Variants in PTPRN2 observed in about 807,000 individuals in gnomAD.
The protein encoded by PTPRN2 is receptor-type tyrosine-protein phosphatase N2.
Under a neutral mutation model 118.8 loss-of-function variants are expected in PTPRN2, and 74 were observed. The observed-to-expected ratio is 0.62, with a 90% CI of 0.52 to 0.76. The LOEUF (loss-of-function observed/expected upper bound fraction) is 0.76, where lower values mean the gene tolerates loss of function less well. Ranked by LOEUF, PTPRN2 falls within the 30% of genes least tolerant of loss-of-function variation. PTPRN2 has a pLI of 0.00. For missense variants in PTPRN2, 1,481 were observed against 1,394.4 expected (o/e 1.06, Z -0.99); for synonymous variants, 641 against 608.0 (o/e 1.05, Z -0.80).
chr7:157,766,207 CCAT>C (rs1802474002), intron 12 of PTPRN2, among the ~76,000 whole-genome samples: 1 of 126,026 alleles, frequency 7.9e-6, no homozygotes, highest in African/African-American at 2.8e-5. Context: ...ATCCATCCAT[CCAT>C]CCACCCACAC....
chr7:157,765,656 C>T (rs1055236602), intron 12 of PTPRN2, among the ~76,000 whole-genome samples: 2 of 148,202 alleles, frequency 1.3e-5, no homozygotes, highest in African/African-American at 5.0e-5. Flanking sequence ...CCACCCTTCA[C>T]CCATCCATCC....
chr7:158,171,296 T>TATATACACAC (rs1563555539), intron 5 of PTPRN2, among the ~76,000 whole-genome samples: 2,013 of 34,750 alleles, frequency 0.058, 346 homozygotes, highest in African/African-American at 0.16. Flanking sequence ...TATACACACA[T>TATATACACAC]ATATATACAC....
intron 12 of PTPRN2, among the ~76,000 whole-genome samples, chr7:157,884,977 C>T (rs1028785897): frequency 1.2e-4 from 18 of 152,162 alleles, no homozygotes; most frequent in African/African-American, 4.1e-4. Flanking sequence ...CTGGGTATGG[C>T]TCATGGATGC....
At chr7:157,840,457 C>T (rs1459503107) in intron 12 of PTPRN2, among the ~76,000 whole-genome samples, 5 of 142,348 alleles carry the variant, frequency 3.5e-5, no homozygotes, top group African/African-American at 7.9e-5. Flanking sequence ...TGTGTGACCG[C>T]GTGTGACTGT....
At chr7:157,880,920 G>C (rs1295586178) in intron 12 of PTPRN2, among the ~76,000 whole-genome samples, 1 of 152,190 alleles carries the variant, frequency 6.6e-6, no homozygotes, top group East Asian at 1.9e-4. Context: ...ATGATAAAAA[G>C]GCACTCTGAG....
intron 2 of PTPRN2, among the ~76,000 whole-genome samples, chr7:158,425,958 C>T (rs1815714582): frequency 1.5e-5 from 2 of 129,294 alleles, no homozygotes; most frequent in Admixed American, 7.3e-5. Context: ...CCGGGAAAGA[C>T]GCAGAGTCCG....
chr7:158,386,507 A>AT (rs1811393990), intron 2 of PTPRN2, among the ~76,000 whole-genome samples: 1 of 152,068 alleles, frequency 6.6e-6, no homozygotes, highest in African/African-American at 2.4e-5. Context: ...GGACCAGGGT[A>AT]TGCACTTTTC....
At chr7:158,319,685 T>TCCCTCACACA (rs1451991579) in intron 2 of PTPRN2, among the ~76,000 whole-genome samples, 99 of 3,002 alleles carry the variant, frequency 0.033, 38 homozygotes, top group African/African-American at 0.22. Context: ...ACACACAGCC[T>TCCCTCACACA]CTCTCACACA....
rs142318856 is a variant in PTPRN2 at position 157,593,279 on chromosome 7, C to T, written c.2496+1959G>A. ...TGCGCGTGGACACCGAGAGCCTTCA[C>T]ACAGGATGGTGGGTGGATGTGGCAC... is the stretch of plus-strand genomic sequence containing the variant. On this transcript the variant is annotated intron_variant, in intron 17 of 22. Transcript: ENST00000389418. 2.7e-3 allele frequency among the ~76,000 whole-genome samples: 399 copies of T among 149,904 alleles called. 3 individuals are homozygous for T. The highest frequency in any genetic ancestry group is 9.4e-3 in the African/African-American group (379 of 40,528).
At chr7:157,694,511 A>G (rs1036254833) in intron 12 of PTPRN2, among the ~76,000 whole-genome samples, 2 of 152,074 alleles carry the variant, frequency 1.3e-5, no homozygotes, top group African/African-American at 4.8e-5. Flanking sequence ...TAAGCCCTAG[A>G]GTCTAGGGGG....
At chr7:158,301,880 G>A (rs1800915870) in intron 3 of PTPRN2, among the ~76,000 whole-genome samples, 5 of 152,116 alleles carry the variant, frequency 3.3e-5, no homozygotes, top group African/African-American at 9.7e-5. Flanking sequence ...AGTCCAGGAG[G>A]CAGAGGTTGC....
At chr7:158,568,739 C>A (rs1250420504) in intron 1 of PTPRN2, among the ~76,000 whole-genome samples, 2 of 151,942 alleles carry the variant, frequency 1.3e-5, no homozygotes, top group African/African-American at 4.8e-5. Context: ...GGGTAACCTA[C>A]ATGTAAAGTT....
At chr7:157,769,221 A>C (rs1415538670) in intron 12 of PTPRN2, among the ~76,000 whole-genome samples, 1 of 152,056 alleles carries the variant, frequency 6.6e-6, no homozygotes, top group Non-Finnish European at 1.5e-5. Context: ...CCAAGCAAGG[A>C]CCAACACATG....
intron 2 of PTPRN2, among the ~76,000 whole-genome samples, chr7:158,379,277 G>C (rs1004494122): frequency 6.6e-6 from 1 of 152,196 alleles, no homozygotes; most frequent in Admixed American, 6.5e-5. Flanking sequence ...GGAGGACCGG[G>C]GTAGGGAATA....
intron 11 of PTPRN2, among the ~76,000 whole-genome samples, chr7:158,077,292 C>T (rs1027142643): frequency 1.3e-5 from 2 of 152,328 alleles, no homozygotes; most frequent in South Asian, 4.1e-4. Context: ...CCTGTTCTGA[C>T]ACTCACCAGC....
chr7:158,281,147 A>G (rs543743640), intron 3 of PTPRN2, among the ~76,000 whole-genome samples: 12 of 152,326 alleles, frequency 7.9e-5, no homozygotes, highest in African/African-American at 2.2e-4. Flanking sequence ...TACTAAAAAT[A>G]CAAAAGTTAG....
At chr7:158,204,041 T>C (rs1039288639) in intron 4 of PTPRN2, among the ~76,000 whole-genome samples, 3 of 150,486 alleles carry the variant, frequency 2.0e-5, no homozygotes, top group Non-Finnish European at 4.4e-5. Flanking sequence ...AGCCGCGTTC[T>C]GGGGAAAGAC....
intron 4 of PTPRN2, among the ~76,000 whole-genome samples, chr7:158,197,758 G>T (rs1033200893): frequency 6.6e-6 from 1 of 152,152 alleles, no homozygotes; most frequent in Non-Finnish European, 1.5e-5. Flanking sequence ...AGGGGAAAGA[G>T]TCCCTTATAA....
At chr7:158,272,154 G>C (rs1428187548) in intron 3 of PTPRN2, among the ~76,000 whole-genome samples, 1 of 152,176 alleles carries the variant, frequency 6.6e-6, no homozygotes, top group Non-Finnish European at 1.5e-5. Context: ...ACTTCGTGCT[G>C]AGCTGGCAGA....
Sources: gnomAD v4.1 joint callset for allele counts (sites outside exome capture counted in the v4.1 genomes callset) on GRCh38, gnomAD v4.1.1 for gene constraint, MANE v1.5 for transcripts, NCBI Gene and HGNC (gene_info 2026-07-23, HGNC 2026-07-21) for gene names.